SLC5A4: variants seen among roughly 807,000 people sequenced by gnomAD.
SLC5A4 encodes probable glucose sensor protein SLC5A4.
SLC5A4 carries 55 observed loss-of-function variants against 70.3 expected under a neutral mutation model. The observed-to-expected ratio is 0.78, with a 90% CI of 0.63 to 0.98. The LOEUF (loss-of-function observed/expected upper bound fraction) is 0.98. Ranked by LOEUF, SLC5A4 falls within the 50% of genes least tolerant of loss-of-function variation. SLC5A4 has a pLI of 0.00. For synonymous variants in SLC5A4, 268 were observed against 305.7 expected, an observed-to-expected ratio of 0.88 and a Z score of 1.29; for missense variants, 735 against 839.2, an observed-to-expected ratio of 0.88 and a Z score of 1.53.
the SLC5A4 span, among the ~76,000 whole-genome samples, chr22:32,325,423 T>C: frequency 2.6e-5 from 4 of 152,188 alleles, no homozygotes; most frequent in Non-Finnish European, 4.4e-5. Context: ...TGGACAAGGT[T>C]TGTTGGGACG....
In SLC5A4 at chr22:32,229,296, G is replaced by C. The variant is rs1925595451; in HGVS notation, c.1178C>G (p.Ser393Cys). 2 of 1,614,170 alleles carry C rather than the reference G, an allele frequency of 1.2e-6. No homozygotes were observed. The highest frequency in any genetic ancestry group is 1.7e-6 in the Non-Finnish European group (2 of 1,180,034). The stretch of plus-strand genomic sequence containing the variant: ...GGCGCTGTTGAAGATGGAGGTCAGG[G>C]AGCTCATGAGAGAGGCCAGCATGAC... ...LSVMLASLMS[S>C]LTSIFNSAST... Residue 393 changes from serine (S) to cysteine (C), a missense_variant, in exon 11 of 15, where the codon TCC (serine) becomes TGC (cysteine). Physicochemically the swap from Ser to Cys is moderately radical, Grantham distance 112. Coordinates refer to ENST00000266086, the MANE Select transcript of SLC5A4 (RefSeq NM_014227.3).
the SLC5A4 span, among the ~76,000 whole-genome samples, chr22:32,342,191 T>C: frequency 3.4e-3 from 515 of 152,292 alleles, 1 homozygote; most frequent in African/African-American, 0.011. Context: ...AACTAAAACA[T>C]GAAGTTTGCT....
At chr22:32,297,404 T>C in the SLC5A4 span, among the ~76,000 whole-genome samples, 1 of 151,352 alleles carries the variant, frequency 6.6e-6, no homozygotes, top group Non-Finnish European at 1.5e-5. Context: ...GTCCAGGAAT[T>C]TATCCATTTC....
chr22:32,317,410 A>G, the SLC5A4 span, among the ~76,000 whole-genome samples: 2 of 152,238 alleles, frequency 1.3e-5, no homozygotes, highest in African/African-American at 4.8e-5. Flanking sequence ...AATGGAGTTA[A>G]CAGCAGAAGA....
intron 10 of SLC5A4, 57 bp from the exon 11 acceptor site, chr22:32,229,401 C>G: frequency 6.3e-7 from 1 of 1,578,334 alleles, no homozygotes; most frequent in East Asian, 2.3e-5. Flanking sequence ...CCTTGCTAAA[C>G]CAGAGAGGGT....
intron 13 of SLC5A4, 145 bp from the exon 14 acceptor site, chr22:32,221,167 C>T (rs1043329127): frequency 1.2e-5 from 6 of 495,790 alleles, no homozygotes; most frequent in Non-Finnish European, 2.2e-5. Flanking sequence ...AGGCCTCCTA[C>T]CACACTCACT....
At chr22:32,270,458 AG>A in the SLC5A4 span, 1 of 1,039,596 alleles carries the variant, frequency 9.6e-7, no homozygotes. Context: ...GAGAATCCCA[AG>A]GGGGAGGGCA....
Position 32,225,640 on chromosome 22 carries a change from C to T in SLC5A4, c.1449+15G>A. On this transcript the variant is annotated intron_variant, in intron 12 of 14. Coordinates refer to ENST00000266086, the MANE Select transcript of SLC5A4 (RefSeq NM_014227.3). Reference sequence around the variant, plus strand: ...TCACTCCAGCAGGGAAACTTTTTTTCCAGTTTTCACTCACCTGTTCATTGA... The same window carrying T: ...TCACTCCAGCAGGGAAACTTTTTTTTCAGTTTTCACTCACCTGTTCATTGA... 2 of 1,561,958 alleles carry T rather than the reference C, an allele frequency of 1.3e-6. No individual in the cohort carries two copies. Among genetic ancestry groups the T allele is most frequent in the Non-Finnish European group, 1.7e-6 (2 of 1,155,074 alleles).
intron 7 of SLC5A4, 36 bp from the exon 8 acceptor site, chr22:32,235,129 T>G: frequency 6.9e-7 from 1 of 1,457,792 alleles, no homozygotes; most frequent in South Asian, 1.2e-5. Context: ...GATGTCTTAC[T>G]GAAATCTAAG....
the SLC5A4 span, among the ~76,000 whole-genome samples, chr22:32,346,306 ATAT>A: frequency 2.0e-5 from 3 of 152,194 alleles, no homozygotes; most frequent in South Asian, 2.1e-4. Context: ...TAAAGAAAAG[ATAT>A]TATTGTCGCT....
At chr22:32,243,097 C>A (rs559121430) in intron 5 of SLC5A4, among the ~76,000 whole-genome samples, 1 of 152,130 alleles carries the variant, frequency 6.6e-6, no homozygotes, top group Non-Finnish European at 1.5e-5. Flanking sequence ...ATTAACATCA[C>A]CATTGAGGAA....
the SLC5A4 span, among the ~76,000 whole-genome samples, chr22:32,353,998 C>T: frequency 2.0e-5 from 3 of 151,746 alleles, no homozygotes; most frequent in Non-Finnish European, 2.9e-5. Context: ...ACAGATAGCG[C>T]ACCCAACCCA....
the SLC5A4 span, among the ~76,000 whole-genome samples, chr22:32,289,557 CT>C: frequency 6.6e-6 from 1 of 152,222 alleles, no homozygotes; most frequent in Non-Finnish European, 1.5e-5. Flanking sequence ...ACTGCAACCT[CT>C]GCCTCCCGGT....
chr22:32,293,774 T>C, the SLC5A4 span, among the ~76,000 whole-genome samples: 1 of 152,276 alleles, frequency 6.6e-6, no homozygotes, highest in East Asian at 1.9e-4. Flanking sequence ...CACTTTGGTA[T>C]ATTTTTTAAA....
the SLC5A4 span, among the ~76,000 whole-genome samples, chr22:32,260,610 G>C: frequency 6.6e-6 from 1 of 152,164 alleles, no homozygotes; most frequent in African/African-American, 2.4e-5. Context: ...CCCCAGGGCA[G>C]GAGGGAGAAA....
At chr22:32,285,418 A>G in the SLC5A4 span, among the ~76,000 whole-genome samples, 1 of 152,162 alleles carries the variant, frequency 6.6e-6, no homozygotes, top group African/African-American at 2.4e-5. Context: ...AGATTTATAG[A>G]TTTATTTTTT....
chr22:32,332,005 C>T, the SLC5A4 span, among the ~76,000 whole-genome samples: 1 of 152,212 alleles, frequency 6.6e-6, no homozygotes, highest in East Asian at 1.9e-4. Flanking sequence ...CCCAGACATC[C>T]TCCTTGGACC....
the SLC5A4 span, among the ~76,000 whole-genome samples, chr22:32,321,294 A>ATAAAT: frequency 2.0e-5 from 3 of 151,164 alleles, no homozygotes; most frequent in Non-Finnish European, 4.4e-5. Flanking sequence ...CTCTAAATAA[A>ATAAAT]TACAAAACTT....
chr22:32,260,385 A>G, the SLC5A4 span, among the ~76,000 whole-genome samples: 1 of 152,106 alleles, frequency 6.6e-6, no homozygotes. Flanking sequence ...CACTTTAGAG[A>G]AAAGATTGTA....
Sources: allele counts gnomAD v4.1 joint callset (sites outside exome capture counted in the v4.1 genomes callset), GRCh38; gene constraint gnomAD v4.1.1; transcripts MANE v1.5; gene names NCBI Gene and HGNC (gene_info 2026-07-23, HGNC 2026-07-21).